The following DMD variants were observed in gnomAD, a reference collection of about 807,000 sequenced individuals.
DMD encodes the protein mutant dystrophin.
A neutral mutation model predicts 330.1 loss-of-function variants in DMD; 63 were observed. That is an observed-to-expected ratio of 0.19 (90% CI 0.16 to 0.24). DMD has a LOEUF of 0.24. Among genes scored for constraint, DMD ranks in the 10% least tolerant of loss-of-function variants. DMD has a pLI of 1.00. For synonymous variants in DMD, 1,223 were observed against 959.8 expected (o/e 1.27, Z -5.07); for missense variants, 3,344 against 2,684.1 (o/e 1.25, Z -5.43).
chrX:33,266,952 C>T (rs1303287374), intron 1 of DMD, among the ~76,000 whole-genome samples: 2 of 110,519 alleles, frequency 1.8e-5, no homozygotes, highest in Non-Finnish European at 3.8e-5. Context: ...AGGATGCCCA[C>T]TCTCACCAGT....
intron 59 of DMD, among the ~76,000 whole-genome samples, chrX:31,476,413 A>ATGTG (rs2067775220): frequency 2.0e-5 from 2 of 98,150 alleles, no homozygotes; most frequent in Non-Finnish European, 4.0e-5. Context: ...ATATATATAT[A>ATGTG]TATATATACA....
At chrX:32,763,266 C>CG (rs2072555970) in intron 7 of DMD, among the ~76,000 whole-genome samples, 1 of 112,018 alleles carries the variant, frequency 8.9e-6, no homozygotes. Flanking sequence ...ACTTTTAAAT[C>CG]ATTTTAATGT....
At chrX:32,768,925 T>C (rs2073298279) in intron 7 of DMD, among the ~76,000 whole-genome samples, 1 of 111,982 alleles carries the variant, frequency 8.9e-6, no homozygotes, top group South Asian at 3.7e-4. Flanking sequence ...ACATGTTTCA[T>C]GAGCACACAT....
chrX:31,387,410 T>G (rs969457421), intron 60 of DMD, among the ~76,000 whole-genome samples: 2 of 110,960 alleles, frequency 1.8e-5, no homozygotes, highest in South Asian at 7.8e-4. Flanking sequence ...TTCTTTTTTT[T>G]TTTGTTTGAG....
intron 55 of DMD, among the ~76,000 whole-genome samples, chrX:31,566,128 A>G (rs867257539): frequency 9.0e-6 from 1 of 111,608 alleles, no homozygotes; most frequent in Middle Eastern, 4.6e-3. Flanking sequence ...ATGCAGTCCA[A>G]CTGATTTTTT....
intron 54 of DMD, among the ~76,000 whole-genome samples, chrX:31,628,138 T>C (rs1312389478): frequency 8.9e-6 from 1 of 111,834 alleles, no homozygotes; most frequent in Non-Finnish European, 1.9e-5. Context: ...AGGTTTCATA[T>C]ATATATGTGA....
intron 7 of DMD, among the ~76,000 whole-genome samples, chrX:32,785,098 G>T (rs1318035883): frequency 9.1e-6 from 1 of 109,507 alleles, no homozygotes; most frequent in Non-Finnish European, 1.9e-5. Context: ...AAAAGTAGGG[G>T]CTCCAGAATT....
At chrX:32,964,126 C>T (rs2092020738) in intron 2 of DMD, among the ~76,000 whole-genome samples, 1 of 106,327 alleles carries the variant, frequency 9.4e-6, no homozygotes, top group African/African-American at 3.4e-5. Flanking sequence ...CGTGGTGGTG[C>T]GCGTCTGTAG....
chrX:33,007,988 A>G (rs945866754), intron 2 of DMD, among the ~76,000 whole-genome samples: 1 of 111,349 alleles, frequency 9.0e-6, no homozygotes, highest in Admixed American at 9.6e-5. Flanking sequence ...ATTCATCTGC[A>G]ACTCTCATTT....
At chrX:32,423,965 A>G (rs978643923) in intron 29 of DMD, among the ~76,000 whole-genome samples, 2 of 111,716 alleles carry the variant, frequency 1.8e-5, no homozygotes, top group African/African-American at 3.2e-5. Context: ...TAATTTACAA[A>G]GAAAATAGCA....
At chrX:32,632,288 C>T (rs1354691816) in intron 11 of DMD, among the ~76,000 whole-genome samples, 1 of 111,825 alleles carries the variant, frequency 8.9e-6, no homozygotes, top group Non-Finnish European at 1.9e-5. Flanking sequence ...TGGGCAGACT[C>T]CAACTTTGTG....
chrX:32,326,968 C>A (rs889417658), intron 41 of DMD, among the ~76,000 whole-genome samples: 2 of 109,897 alleles, frequency 1.8e-5, no homozygotes, highest in African/African-American at 6.6e-5. Flanking sequence ...ATTAAATTAT[C>A]CATAAGTATA....
intron 41 of DMD, 113 bp from the exon 42 acceptor site, chrX:32,310,389 G>T: frequency 3.3e-6 from 2 of 606,012 alleles, no homozygotes; most frequent in Non-Finnish European, 5.4e-6. Flanking sequence ...TACAAACTGG[G>T]CTGAAAATGG....
intron 43 of DMD, among the ~76,000 whole-genome samples, chrX:32,280,157 TATATACA>T (rs2097413360): frequency 6.1e-5 from 1 of 16,357 alleles, no homozygotes; most frequent in East Asian, 1.2e-3. Flanking sequence ...TATATATATA[TATATACA>T]GTATATATAT....
intron 4 of DMD, among the ~76,000 whole-genome samples, chrX:32,831,679 T>C (rs868366817): frequency 1.7e-5 from 1 of 59,611 alleles, no homozygotes; most frequent in South Asian, 5.7e-4. Flanking sequence ...TGTGTGTGTG[T>C]GTGTGTGTGT....
chrX:31,545,270 G>T lies in DMD; in HGVS notation c.8218-37817C>A, dbSNP rs144356592. 2.1e-3 allele frequency among the ~76,000 whole-genome samples: 232 copies of T among 111,683 alleles called. 2 individuals carry two copies. The East Asian group carries it at 0.064, about 31-fold the overall frequency. On this transcript the variant is annotated intron_variant, in intron 55 of 78. Transcript: ENST00000357033. ...CTGCTGCTGAAACCAATCCTCACCAGCCAGGCAATTCAGCAGAAGCTCACT... is the reference window on the plus strand; with the variant it reads ...CTGCTGCTGAAACCAATCCTCACCATCCAGGCAATTCAGCAGAAGCTCACT...
intron 44 of DMD, among the ~76,000 whole-genome samples, chrX:31,983,597 A>G (rs1006272823): frequency 3.3e-4 from 37 of 111,816 alleles, no homozygotes; most frequent in African/African-American, 9.1e-4. Flanking sequence ...TTCCAGATTC[A>G]GGAACAACAA....
chrX:32,652,503 A>C (rs955055541), intron 9 of DMD, among the ~76,000 whole-genome samples: 1 of 110,401 alleles, frequency 9.1e-6, no homozygotes, highest in African/African-American at 3.3e-5. Flanking sequence ...TTCATGGTGT[A>C]TATGTGCCAC....
At chrX:31,530,570 C>T (rs1406904760) in intron 55 of DMD, among the ~76,000 whole-genome samples, 1 of 101,033 alleles carries the variant, frequency 9.9e-6, no homozygotes, top group East Asian at 3.2e-4. Context: ...TACCAGAGAA[C>T]ATCAAAGAAG....
Sources: allele counts gnomAD v4.1 joint callset (sites outside exome capture counted in the v4.1 genomes callset), GRCh38; gene constraint gnomAD v4.1.1; transcripts MANE v1.5; gene names NCBI Gene and HGNC (gene_info 2026-07-23, HGNC 2026-07-21).